SGCZ: variants seen among roughly 807,000 people sequenced by gnomAD.
SGCZ encodes sarcoglycan zeta, also known as zeta-sarcoglycan.
In SGCZ, 40 loss-of-function variants were observed where a neutral mutation model predicts 41.3. The observed-to-expected ratio is 0.97, with a 90% CI of 0.75 to 1.26. SGCZ has a LOEUF of 1.26. Ranked by LOEUF, SGCZ falls within the 50% of genes most tolerant of loss-of-function variation. SGCZ has a pLI of 0.00. For synonymous variants in SGCZ, 206 were observed against 137.5 expected (o/e 1.50, Z -3.49); for missense variants, 552 against 369.8 (o/e 1.49, Z -4.04).
At chr8:14,774,515 C>T (rs1365863698) in intron 1 of SGCZ, among the ~76,000 whole-genome samples, 1 of 152,168 alleles carries the variant, frequency 6.6e-6, no homozygotes, top group African/African-American at 2.4e-5. Context: ...ATGTTGCAGC[C>T]CTTATGGCTT....
intron 1 of SGCZ, among the ~76,000 whole-genome samples, chr8:14,770,885 T>TA (rs1023450427): frequency 1.8e-4 from 28 of 152,070 alleles, no homozygotes; most frequent in African/African-American, 5.8e-4. Flanking sequence ...AAACAGAATT[T>TA]AAAAAAACAA....
At chr8:14,558,590 G>C (rs1053010574) in intron 1 of SGCZ, among the ~76,000 whole-genome samples, 3 of 150,042 alleles carry the variant, frequency 2.0e-5, no homozygotes, top group East Asian at 2.0e-4. Flanking sequence ...GAGAGAGAGA[G>C]AGAGAGAGAG....
intron 1 of SGCZ, among the ~76,000 whole-genome samples, chr8:14,557,051 T>C (rs937315921): frequency 7.9e-5 from 12 of 152,032 alleles, no homozygotes; most frequent in Non-Finnish European, 1.5e-4. Context: ...TTCCTACCAG[T>C]GGTGTAGAAG....
At chr8:15,212,611 A>G (rs1034872739) in intron 1 of SGCZ, among the ~76,000 whole-genome samples, 3 of 152,054 alleles carry the variant, frequency 2.0e-5, no homozygotes, top group African/African-American at 7.2e-5. Context: ...TCTGTCAATG[A>G]TTTTGAATAT....
At chr8:14,604,305 T>C (rs1445178638) in intron 1 of SGCZ, among the ~76,000 whole-genome samples, 1 of 152,140 alleles carries the variant, frequency 6.6e-6, no homozygotes, top group Non-Finnish European at 1.5e-5. Flanking sequence ...GGAGAGTTCT[T>C]TCTTTGAGAG....
At chr8:14,632,725 T>A (rs976491915) in intron 1 of SGCZ, among the ~76,000 whole-genome samples, 2 of 152,042 alleles carry the variant, frequency 1.3e-5, no homozygotes, top group African/African-American at 4.8e-5. Context: ...CAAGTGAAAC[T>A]TGATTTGCTT....
intron 1 of SGCZ, among the ~76,000 whole-genome samples, chr8:14,783,942 C>G (rs1342359242): frequency 1.3e-5 from 2 of 152,006 alleles, no homozygotes; most frequent in Non-Finnish European, 2.9e-5. Context: ...TTTGAAGAAT[C>G]ATTCTTGTTC....
At chr8:15,009,006 C>T (rs80104809) in intron 1 of SGCZ, among the ~76,000 whole-genome samples, 2,920 of 152,228 alleles carry the variant, frequency 0.019, 39 homozygotes, top group Middle Eastern at 0.031. Context: ...CCTGTTTTCA[C>T]GTATCCTGGC....
At chr8:15,161,184 C>T (rs1229861634) in intron 1 of SGCZ, among the ~76,000 whole-genome samples, 3 of 152,076 alleles carry the variant, frequency 2.0e-5, no homozygotes, top group Admixed American at 2.0e-4. Flanking sequence ...TCTCTTCTGT[C>T]CCTTGAATAT....
chr8:14,102,101 TATAA>T (rs1184037686), intron 7 of SGCZ, among the ~76,000 whole-genome samples: 667 of 41,826 alleles, frequency 0.016, 9 homozygotes, highest in Middle Eastern at 0.048. Context: ...TATATATATA[TATAA>T]TTTTTTTTTT....
intron 3 of SGCZ, among the ~76,000 whole-genome samples, chr8:14,317,282 T>C (rs563072889): frequency 2.0e-5 from 3 of 152,050 alleles, no homozygotes; most frequent in East Asian, 3.9e-4. Flanking sequence ...AGTGTAGTCA[T>C]TAAAATATTA....
chr8:14,849,611 A>T (rs1164075576), intron 1 of SGCZ, among the ~76,000 whole-genome samples: 1 of 152,182 alleles, frequency 6.6e-6, no homozygotes, highest in African/African-American at 2.4e-5. Flanking sequence ...TCACGAAATG[A>T]AGCAGATCAG....
chr8:14,523,285 T>A (rs561954526), intron 2 of SGCZ, among the ~76,000 whole-genome samples: 1 of 152,148 alleles, frequency 6.6e-6, no homozygotes, highest in South Asian at 2.1e-4. Flanking sequence ...ATATTTTCAT[T>A]TCCCTTTTAT....
chr8:14,708,229 T>C (rs553587731), intron 1 of SGCZ, among the ~76,000 whole-genome samples: 20 of 152,158 alleles, frequency 1.3e-4, no homozygotes, highest in African/African-American at 4.3e-4. Flanking sequence ...GAGTAGACTA[T>C]TTTGCAACAT....
rs902859409 is a variant in SGCZ, at chr8:14,549,283, T to G, written c.234+5449A>C. ...CTGAAAAACTATCTTACCAAAGTGC[T>G]TTCGGATTCGGACAGAAATTATGCT... On this transcript the variant is annotated intron_variant, in intron 2 of 7. Coordinates refer to ENST00000382080, the MANE Select transcript of SGCZ (RefSeq NM_139167.4). Among the ~76,000 whole-genome samples, 10 of 152,040 alleles carry G rather than the reference T, an allele frequency of 6.6e-5. No homozygotes were observed. The East Asian group carries it at 1.9e-3, about 29-fold the overall frequency.
intron 4 of SGCZ, among the ~76,000 whole-genome samples, chr8:14,224,243 T>C (rs533881151): frequency 6.6e-6 from 1 of 152,286 alleles, no homozygotes; most frequent in Non-Finnish European, 1.5e-5. Context: ...AATTAATCAT[T>C]ACACTAGTAC....
chr8:14,305,372 G>A (rs541357889), intron 3 of SGCZ, among the ~76,000 whole-genome samples: 10 of 151,958 alleles, frequency 6.6e-5, no homozygotes, highest in Non-Finnish European at 1.3e-4. Context: ...TTAAAACTAC[G>A]GGAAGGCATC....
At chr8:14,308,741 C>T (rs1440933936) in intron 3 of SGCZ, among the ~76,000 whole-genome samples, 2 of 151,828 alleles carry the variant, frequency 1.3e-5, no homozygotes, top group East Asian at 1.9e-4. Context: ...ATCTTTGTGC[C>T]GCGGTACCAT....
chr8:15,202,782 T>G (rs2117137971), intron 1 of SGCZ, among the ~76,000 whole-genome samples: 1 of 152,182 alleles, frequency 6.6e-6, no homozygotes, highest in African/African-American at 2.4e-5. Context: ...TAACAAGAAC[T>G]TAGGCAGGCT....
Sources: allele counts gnomAD v4.1 joint callset (sites outside exome capture counted in the v4.1 genomes callset), GRCh38; gene constraint gnomAD v4.1.1; transcripts MANE v1.5; gene names NCBI Gene and HGNC (gene_info 2026-07-23, HGNC 2026-07-21).